OCA2: variants seen among roughly 807,000 people sequenced by gnomAD.
OCA2 encodes the protein P protein.
OCA2 carries 77 observed loss-of-function variants against 100.2 expected under a neutral mutation model. The observed-to-expected ratio is 0.77, with a 90% CI of 0.64 to 0.93. OCA2 has a LOEUF of 0.93. Among genes scored for constraint, OCA2 ranks in the 40% least tolerant of loss-of-function variants. OCA2 has a pLI of 0.00. For synonymous variants in OCA2, 432 were observed against 439.2 expected, an observed-to-expected ratio of 0.98 and a Z score of 0.21; for missense variants, 1,062 against 1,089.1, an observed-to-expected ratio of 0.98 and a Z score of 0.35.
intron 22 of OCA2, among the ~76,000 whole-genome samples, chr15:27,846,588 C>T (rs2035544975): frequency 1.3e-5 from 2 of 152,170 alleles, no homozygotes; most frequent in Admixed American, 6.5e-5. Context: ...GATAGTTTTG[C>T]AGGCAGGTCC....
intron 22 of OCA2, among the ~76,000 whole-genome samples, chr15:27,846,978 A>G (rs918735762): frequency 6.6e-6 from 1 of 152,138 alleles, no homozygotes; most frequent in African/African-American, 2.4e-5. Context: ...ACATCCACCC[A>G]TCTTCTCAGG....
chr15:27,782,924 G>A (rs1005171230), intron 23 of OCA2, among the ~76,000 whole-genome samples: 10 of 152,182 alleles, frequency 6.6e-5, no homozygotes, highest in East Asian at 1.9e-4. Flanking sequence ...ATAATGTCAC[G>A]TGTGTGATTC....
intron 23 of OCA2, among the ~76,000 whole-genome samples, chr15:27,800,456 A>G (rs1002296206): frequency 2.0e-5 from 3 of 152,176 alleles, no homozygotes; most frequent in Non-Finnish European, 4.4e-5. Flanking sequence ...GAATGATCAG[A>G]AAAAAATACA....
intron 2 of OCA2, among the ~76,000 whole-genome samples, chr15:28,032,909 C>T (rs980437879): frequency 6.6e-6 from 1 of 152,066 alleles, no homozygotes; most frequent in Non-Finnish European, 1.5e-5. Flanking sequence ...ATCCTAATGG[C>T]GTCCATTGGA....
chr15:27,845,017 C>A lies in OCA2; in HGVS notation c.2374G>T (p.Val792Leu), dbSNP rs768651740. Reference protein sequence around the residue: ...GTLIGASANVVCAGIAEQHGY... With the variant: ...GTLIGASANVLCAGIAEQHGY... ...TGCTGTTCTGCAATCCCTGCACACA[C>A]GACGTTTGCCGACGCGCCAATCAGT... is the stretch of plus-strand genomic sequence containing the variant. The change falls in exon 23 of 24, where the codon GTG (valine) becomes TTG (leucine). Residue 792 changes from valine (V) to leucine (L), a missense_variant. By Grantham distance (32) the Val-to-Leu change is conservative (BLOSUM62 1). Coordinates refer to ENST00000354638, the MANE Select transcript of OCA2 (RefSeq NM_000275.3). 6.2e-7 allele frequency: 1 copy of A among 1,613,988 alleles called. No individual in the cohort carries two copies. Among genetic ancestry groups the A allele is most frequent in the South Asian group, 1.1e-5 (1 of 91,074 alleles).
At chr15:27,826,249 T>G (rs2034717156) in intron 23 of OCA2, among the ~76,000 whole-genome samples, 1 of 152,202 alleles carries the variant, frequency 6.6e-6, no homozygotes, top group South Asian at 2.1e-4. Flanking sequence ...TGAGTGCTTT[T>G]ACCTAAATGA....
intron 23 of OCA2, among the ~76,000 whole-genome samples, chr15:27,777,834 A>C (rs1479795973): frequency 6.6e-6 from 1 of 152,184 alleles, no homozygotes; most frequent in Non-Finnish European, 1.5e-5. Flanking sequence ...GACTATTCTG[A>C]CTGCCTTATT....
At chr15:27,870,369 A>C (rs76856993) in intron 21 of OCA2, among the ~76,000 whole-genome samples, 2,385 of 152,316 alleles carry the variant, frequency 0.016, 56 homozygotes, top group African/African-American at 0.05. Context: ...AGGACCCCAG[A>C]GACTTGTGTG....
At chr15:27,733,043 T>A in the OCA2 span, among the ~76,000 whole-genome samples, 1 of 152,180 alleles carries the variant, frequency 6.6e-6, no homozygotes, top group Non-Finnish European at 1.5e-5. Context: ...AGAACTCTTG[T>A]GACCCCCAAA....
In OCA2 at chr15:28,027,935, C is replaced by T. The variant is rs745397950; in HGVS notation, c.451G>A (p.Ala151Thr). 16 of 1,614,162 alleles carry T rather than the reference C, an allele frequency of 9.9e-6. No individual in the cohort carries two copies. The South Asian group carries it at 1.6e-4, about 17-fold the overall frequency. The part of the protein sequence containing the change: ...SREVSGLSAS[A>T]SSEKGDLLDS... ...AGAAGGTCTCCCTTCTCGGAGGAGG[C>T]AGATGCAGACAGACCAGACACCTCC... Residue 151 changes from alanine (A) to threonine (T), a missense_variant, in exon 4 of 24, where the codon GCC becomes ACC. Ala to Thr is a moderately conservative substitution (Grantham distance 58). Coordinates refer to ENST00000354638, the MANE Select transcript of OCA2 (RefSeq NM_000275.3).
chr15:27,832,128 G>A (rs1252658937), intron 23 of OCA2, among the ~76,000 whole-genome samples: 2 of 152,114 alleles, frequency 1.3e-5, no homozygotes, highest in East Asian at 3.9e-4. Flanking sequence ...ACCAAACTCT[G>A]CATTTCTCCT....
intron 3 of OCA2, among the ~76,000 whole-genome samples, chr15:28,029,820 G>A (rs2042862713): frequency 1.3e-5 from 2 of 152,168 alleles, no homozygotes; most frequent in African/African-American, 4.8e-5. Context: ...GCATGAAAAA[G>A]ACATTCCTAC....
chr15:27,993,674 T>C (rs1368741484), intron 9 of OCA2, among the ~76,000 whole-genome samples: 1 of 151,832 alleles, frequency 6.6e-6, no homozygotes, highest in Non-Finnish European at 1.5e-5. Context: ...AACACCTTTC[T>C]CCCCTCCCTC....
chr15:27,833,000 G>A (rs1299234059), intron 23 of OCA2, among the ~76,000 whole-genome samples: 4 of 151,764 alleles, frequency 2.6e-5, no homozygotes, highest in Non-Finnish European at 5.9e-5. Flanking sequence ...ATTTTTAGTA[G>A]AGACGGGGCT....
chr15:27,898,957 T>A (rs1295023891), intron 19 of OCA2, among the ~76,000 whole-genome samples: 1 of 152,208 alleles, frequency 6.6e-6, no homozygotes, highest in African/African-American at 2.4e-5. Flanking sequence ...ACTCATTTTG[T>A]GAAGCCAAAA....
chr15:27,790,491 C>T (rs1442349397), intron 23 of OCA2, among the ~76,000 whole-genome samples: 1 of 152,182 alleles, frequency 6.6e-6, no homozygotes, highest in East Asian at 1.9e-4. Flanking sequence ...CATACAAAAA[C>T]ATGATTGGAT....
chr15:27,822,926 C>T (rs1473252414), intron 23 of OCA2, among the ~76,000 whole-genome samples: 1 of 152,072 alleles, frequency 6.6e-6, no homozygotes, highest in Non-Finnish European at 1.5e-5. Flanking sequence ...CTCTTCAGTG[C>T]TTTTGGGGTC....
chr15:27,934,482 T>C (rs2039379141), intron 18 of OCA2, among the ~76,000 whole-genome samples: 1 of 152,262 alleles, frequency 6.6e-6, no homozygotes, highest in Non-Finnish European at 1.5e-5. Flanking sequence ...CCACATCTTT[T>C]CTTTAAATTC....
chr15:27,825,010 TAGC>T (rs2034662112), intron 23 of OCA2, among the ~76,000 whole-genome samples: 1 of 152,204 alleles, frequency 6.6e-6, no homozygotes, highest in African/African-American at 2.4e-5. Context: ...ATTAGGAACT[TAGC>T]AGTTTTAATT....
Sources: allele counts gnomAD v4.1 joint callset (sites outside exome capture counted in the v4.1 genomes callset), GRCh38; gene constraint gnomAD v4.1.1; transcripts MANE v1.5; gene names NCBI Gene and HGNC (gene_info 2026-07-23, HGNC 2026-07-21).